PTPRN2: variants seen among roughly 807,000 people sequenced by gnomAD.
PTPRN2 encodes receptor-type tyrosine-protein phosphatase N2.
Under a neutral mutation model 118.8 loss-of-function variants are expected in PTPRN2, and 74 were observed. The observed-to-expected ratio is 0.62, with a 90% CI of 0.52 to 0.76. PTPRN2 has a LOEUF of 0.76. Ranked by LOEUF, PTPRN2 falls within the 30% of genes least tolerant of loss-of-function variation. The probability of loss-of-function intolerance (pLI) is 0.00; values close to 1 mark genes in which losing one functional copy is unlikely to be tolerated. For missense variants in PTPRN2, 1,481 were observed against 1,394.4 expected (o/e 1.06, Z -0.99); for synonymous variants, 641 against 608.0 (o/e 1.05, Z -0.80).
At chr7:157,605,572 G>A (rs527588578) in intron 15 of PTPRN2, among the ~76,000 whole-genome samples, 2 of 152,306 alleles carry the variant, frequency 1.3e-5, no homozygotes, top group South Asian at 4.1e-4. Context: ...GGAAGAATGA[G>A]GTATGGAGAC....
intron 2 of PTPRN2, among the ~76,000 whole-genome samples, chr7:158,437,649 G>A (rs1018116365): frequency 1.2e-4 from 19 of 152,200 alleles, no homozygotes; most frequent in Non-Finnish European, 2.6e-4. Context: ...TGACCCATCC[G>A]GGGCTGGGAC....
intron 12 of PTPRN2, among the ~76,000 whole-genome samples, chr7:157,710,431 A>AC (rs1269053113): frequency 3.0e-4 from 45 of 151,950 alleles, no homozygotes; most frequent in Non-Finnish European, 5.3e-4. Context: ...ACACAGTGAG[A>AC]CCCCATCTCT....
chr7:157,690,149 C>T lies in PTPRN2; in HGVS notation c.1789-7212G>A, dbSNP rs1002606144. Among the ~76,000 whole-genome samples the T allele has an allele frequency of 6.6e-6, 1 of 152,198 alleles. No individual in the cohort carries two copies. The highest frequency in any genetic ancestry group is 1.5e-5 in the Non-Finnish European group (1 of 68,038). Reference sequence around the variant, plus strand: ...GAGGTCCTAGACTCCTTGGGGCGGTCTCTGCGGGGCGCTGGGCCAGGACAG... The same window carrying T: ...GAGGTCCTAGACTCCTTGGGGCGGTTTCTGCGGGGCGCTGGGCCAGGACAG... On this transcript the variant is annotated intron_variant, in intron 12 of 22. Transcript: ENST00000389418. The surrounding 1 kb of genome is among the most constrained non-coding windows in gnomAD (Gnocchi z 7.1).
At chr7:158,502,909 C>CACTGTATCCATCAACT (rs1822474195) in intron 1 of PTPRN2, among the ~76,000 whole-genome samples, 4 of 91,482 alleles carry the variant, frequency 4.4e-5, no homozygotes, top group African/African-American at 1.8e-4. Flanking sequence ...GTCCATCAGC[C>CACTGTATCCATCAACT]ACTGTGTCCA....
At chr7:158,520,446 C>G (rs1714168779) in intron 1 of PTPRN2, among the ~76,000 whole-genome samples, 1 of 152,168 alleles carries the variant, frequency 6.6e-6, no homozygotes. Flanking sequence ...AGTTCATGCC[C>G]TTCGGTAGAC....
rs1232067844 is a variant in PTPRN2, at chr7:158,526,484, T to C, written c.113-36699A>G. Among the ~76,000 whole-genome samples, 1 of 152,054 alleles carries C rather than the reference T, an allele frequency of 6.6e-6. No homozygotes were observed. The highest frequency in any genetic ancestry group is 1.5e-5 in the Non-Finnish European group (1 of 68,044). On this transcript the variant is annotated intron_variant, in intron 1 of 22. Transcript: ENST00000389418. This position sits in a 1 kb window ranked among gnomAD's most constrained non-coding sequence, Gnocchi z 5.2. ...TGGTCACGGCCTCGGAATTCCGACA[T>C]GCTGGACTGTGGCTTGGGAAACTGA...
At chr7:158,499,790 T>C (rs1349492560) in intron 1 of PTPRN2, among the ~76,000 whole-genome samples, 1 of 144,542 alleles carries the variant, frequency 6.9e-6, no homozygotes, top group Non-Finnish European at 1.5e-5. Context: ...TGTGTATGTG[T>C]GTGTGTGTGT....
chr7:158,031,289 C>G (rs1039066146), intron 11 of PTPRN2, among the ~76,000 whole-genome samples: 14 of 152,186 alleles, frequency 9.2e-5, no homozygotes, highest in African/African-American at 3.4e-4. Flanking sequence ...GACTTTTGCA[C>G]CTTCCTGAAT....
intron 12 of PTPRN2, among the ~76,000 whole-genome samples, chr7:157,788,468 C>A (rs1416109849): frequency 1.3e-5 from 2 of 152,078 alleles, no homozygotes; most frequent in Non-Finnish European, 2.9e-5. Flanking sequence ...TGCCATCAAC[C>A]AACGTGACCA....
chr7:158,532,598 G>A lies in PTPRN2; in HGVS notation c.113-42813C>T, dbSNP rs560523429. 4.8e-4 allele frequency: 204 copies of A among 426,392 alleles called. 2 individuals are homozygous for A. The highest frequency in any genetic ancestry group is 4.2e-3 in the African/African-American group (192 of 45,942). The allele number at this position is 426,392 out of a possible 1,614,324, so 26.4% of individuals were successfully genotyped here. The stretch of plus-strand genomic sequence containing the variant: ...GATCCTACAAAGAGGAAAAAACATG[G>A]GTAAAAAGTAAGAAAAGACCAAAAA... On this transcript the variant is annotated intron_variant, in intron 1 of 22. Transcript: ENST00000389418.
At chr7:158,150,672 T>C (rs1270839402) in intron 6 of PTPRN2, among the ~76,000 whole-genome samples, 1 of 151,088 alleles carries the variant, frequency 6.6e-6, no homozygotes, top group African/African-American at 2.4e-5. Flanking sequence ...CCCAGGGGGG[T>C]CACTGAGGTG....
At chr7:158,204,419 A>G (rs1826959975) in intron 4 of PTPRN2, among the ~76,000 whole-genome samples, 1 of 152,264 alleles carries the variant, frequency 6.6e-6, no homozygotes, top group African/African-American at 2.4e-5. Context: ...TGAGCATGAA[A>G]GCAGATATCT....
At chr7:157,812,482 G>T (rs1476668241) in intron 12 of PTPRN2, among the ~76,000 whole-genome samples, 1 of 152,182 alleles carries the variant, frequency 6.6e-6, no homozygotes, top group Non-Finnish European at 1.5e-5. Context: ...AGAGGAAAAA[G>T]AAAAACTCTT....
chr7:158,270,795 GGACCACCC>G (rs1798311232), intron 3 of PTPRN2, among the ~76,000 whole-genome samples: 1 of 71,444 alleles, frequency 1.4e-5, no homozygotes, highest in South Asian at 4.2e-4. Flanking sequence ...CCCTCCACCT[GGACCACCC>G]CCTCACCTGG....
intron 3 of PTPRN2, among the ~76,000 whole-genome samples, chr7:158,229,961 A>C (rs1046106299): frequency 1.3e-5 from 2 of 152,208 alleles, no homozygotes; most frequent in Non-Finnish European, 2.9e-5. Flanking sequence ...AACTCTCAAA[A>C]GTCAAGGACA....
intron 12 of PTPRN2, among the ~76,000 whole-genome samples, chr7:157,849,865 TGGA>T (rs762237343): frequency 5.1e-4 from 78 of 152,240 alleles, no homozygotes; most frequent in Middle Eastern, 3.4e-3. Flanking sequence ...TCGATCACCA[TGGA>T]GGAGGGGAAG....
chr7:158,238,149 G>A (rs570881834), intron 3 of PTPRN2, among the ~76,000 whole-genome samples: 10 of 152,042 alleles, frequency 6.6e-5, no homozygotes, highest in East Asian at 5.8e-4. Context: ...GCCCGTGTCC[G>A]GCTCTGATTG....
intron 12 of PTPRN2, among the ~76,000 whole-genome samples, chr7:157,692,945 A>G (rs1029143281): frequency 5.9e-5 from 9 of 151,924 alleles, no homozygotes; most frequent in African/African-American, 1.7e-4. Context: ...TCGGGCAAAG[A>G]GTCGAGTGGT....
chr7:158,419,408 T>TCGCAAGAATTCCGTCAC (rs1815064875), intron 2 of PTPRN2, among the ~76,000 whole-genome samples: 1 of 151,440 alleles, frequency 6.6e-6, no homozygotes, highest in Non-Finnish European at 1.5e-5. Flanking sequence ...AATTCCATCA[T>TCGCAAGAATTCCGTCAC]TGCAAGAATT....
Sources: allele counts gnomAD v4.1 joint callset (sites outside exome capture counted in the v4.1 genomes callset), GRCh38; gene constraint gnomAD v4.1.1; non-coding constraint Gnocchi (gnomAD v3.1); transcripts MANE v1.5; gene names NCBI Gene and HGNC (gene_info 2026-07-23, HGNC 2026-07-21).